Variants in MGST1 observed in about 807,000 individuals in gnomAD.
MGST1 encodes the protein glutathione S-transferase 12.
In MGST1, 5 loss-of-function variants were observed where a neutral mutation model predicts 8.9. That is an observed-to-expected ratio of 0.56 (90% CI 0.29 to 1.19). The LOEUF (loss-of-function observed/expected upper bound fraction) is 1.19, where lower values mean the gene tolerates loss of function less well. Ranked by LOEUF, MGST1 falls within the 50% of genes most tolerant of loss-of-function variation. MGST1 has a pLI of 0.08. For missense variants in MGST1, 182 were observed against 187.4 expected, an observed-to-expected ratio of 0.97 and a Z score of 0.17; for synonymous variants, 54 against 67.8, an observed-to-expected ratio of 0.80 and a Z score of 1.00.
In MGST1 at chr12:16,458,229, A is replaced by C. The variant is rs565565551; in HGVS notation, n.482+74625A>C. ...TTGTTCATCACCTGCCTCCAAAATA[A>C]TATGAATGGACCCAAACTAAATGAC... is the stretch of plus-strand genomic sequence containing the variant. On this transcript the variant is annotated intron_variant and non_coding_transcript_variant, in intron 4 of 4. Coordinates refer to the MGST1 transcript ENST00000538857. This position sits in a 1 kb window ranked among gnomAD's most constrained non-coding sequence, Gnocchi z 4.0. Among the ~76,000 whole-genome samples the C allele has an allele frequency of 1.3e-5, 2 of 152,170 alleles. No homozygotes were observed. The highest frequency in any genetic ancestry group is 4.1e-4 in the South Asian group (2 of 4,824).
Position 16,450,884 on chromosome 12 carries a change from C to T in MGST1, n.482+67280C>T, listed in dbSNP as rs966627920. ...TGTGTGTGTGTGTGTGTGTCACACA[C>T]GGAAACTGAGACATAAAGGACCAAA... On this transcript the variant is annotated intron_variant and non_coding_transcript_variant, in intron 4 of 4. Coordinates refer to the MGST1 transcript ENST00000538857. Among the ~76,000 whole-genome samples, 113 of 150,716 alleles carry T rather than the reference C, an allele frequency of 7.5e-4. 1 individual carries two copies. Among genetic ancestry groups the T allele is most frequent in the African/African-American group, 2.4e-3 (98 of 40,990 alleles).
In MGST1 at chr12:16,458,025, C is replaced by T. The variant is rs1480523914; in HGVS notation, n.482+74421C>T. ...CTAGGAAAGCTTTTGCTTGCCCTAG[C>T]AATATTATAACTGCTAATTCAATTA... is the stretch of plus-strand genomic sequence containing the variant. On this transcript the variant is annotated intron_variant and non_coding_transcript_variant, in intron 4 of 4. Coordinates refer to the MGST1 transcript ENST00000538857. The surrounding 1 kb of genome is among the most constrained non-coding windows in gnomAD (Gnocchi z 4.0). Among the ~76,000 whole-genome samples, 1 of 151,930 alleles carries T rather than the reference C, an allele frequency of 6.6e-6. No homozygotes were observed. The highest frequency in any genetic ancestry group is 1.9e-4 in the East Asian group (1 of 5,168).
intron 4 of MGST1, among the ~76,000 whole-genome samples, chr12:16,583,329 A>G (rs138682548): frequency 6.6e-6 from 1 of 152,276 alleles, no homozygotes; most frequent in East Asian, 1.9e-4. Flanking sequence ...AAAAAATTAG[A>G]CAATAGGGGA....
intron 4 of MGST1, among the ~76,000 whole-genome samples, chr12:16,472,680 A>G (rs1941296497): frequency 6.6e-6 from 1 of 152,232 alleles, no homozygotes; most frequent in Admixed American, 6.5e-5. Flanking sequence ...ATATTGAGCA[A>G]TAATACAATC....
At chr12:16,529,741 T>C (rs1298201781) in intron 4 of MGST1, among the ~76,000 whole-genome samples, 1 of 152,126 alleles carries the variant, frequency 6.6e-6, no homozygotes, top group African/African-American at 2.4e-5. Flanking sequence ...CTTGTGTTAT[T>C]TGTTAGAACA....
intron 1 of MGST1, among the ~76,000 whole-genome samples, chr12:16,392,734 G>A (rs953439336): frequency 4.6e-5 from 7 of 152,082 alleles, no homozygotes; most frequent in Non-Finnish European, 7.4e-5. Flanking sequence ...ATCTCTGTAT[G>A]TCTCTATATC....
rs1941844316 is a variant in MGST1, at chr12:16,547,796, T to C, written n.483-41732T>C. ...TGCTAATGGCCTATTACAATAAACATGCAGATTGTTTTTGCAACTTACTGA... is the reference window on the plus strand; with the variant it reads ...TGCTAATGGCCTATTACAATAAACACGCAGATTGTTTTTGCAACTTACTGA... On this transcript the variant is annotated intron_variant and non_coding_transcript_variant, in intron 4 of 4. Coordinates refer to the MGST1 transcript ENST00000538857. This position sits in a 1 kb window ranked among gnomAD's most constrained non-coding sequence, Gnocchi z 4.6. Among the ~76,000 whole-genome samples, 1 of 152,192 alleles carries C rather than the reference T, an allele frequency of 6.6e-6. No individual in the cohort carries two copies. The highest frequency in any genetic ancestry group is 1.5e-5 in the Non-Finnish European group (1 of 68,018).
In MGST1 at chr12:16,497,077, T is replaced by G. The variant is rs1941475252; in HGVS notation, n.483-92451T>G. 6.6e-6 allele frequency among the ~76,000 whole-genome samples: 1 copy of G among 152,208 alleles called. No individual in the cohort carries two copies. Among genetic ancestry groups the G allele is most frequent in the Non-Finnish European group, 1.5e-5 (1 of 67,984 alleles). ...TATCTAAGAATAAGCTTTGTCTTCT[T>G]AGAAGAGAAAGAAATATTTAATCCT... is the stretch of plus-strand genomic sequence containing the variant. On this transcript the variant is annotated intron_variant and non_coding_transcript_variant, in intron 4 of 4. Coordinates refer to the MGST1 transcript ENST00000538857. This position sits in a 1 kb window ranked among gnomAD's most constrained non-coding sequence, Gnocchi z 4.4.
At chr12:16,470,669 T>A (rs1386948343) in intron 4 of MGST1, among the ~76,000 whole-genome samples, 2 of 152,204 alleles carry the variant, frequency 1.3e-5, no homozygotes. Flanking sequence ...TTTGAAGAGC[T>A]AATTGAATCA....
At chr12:16,356,213 A>G (rs1267231650) in intron 2 of MGST1, among the ~76,000 whole-genome samples, 1 of 152,204 alleles carries the variant, frequency 6.6e-6, no homozygotes, top group African/African-American at 2.4e-5. Flanking sequence ...CCTTAGCAAT[A>G]GCTTATCCAA....
chr12:16,390,024 G>A (rs937914787), intron 1 of MGST1, among the ~76,000 whole-genome samples: 3 of 152,182 alleles, frequency 2.0e-5, no homozygotes, highest in African/African-American at 2.4e-5. Context: ...ATTTTGATAT[G>A]TTCACATTTA....
Position 16,364,012 on chromosome 12 carries a change from A to T in MGST1, c.439A>T (p.Arg147Trp), listed in dbSNP as rs753027504. 10 of 1,611,506 alleles carry T rather than the reference A, an allele frequency of 6.2e-6. No homozygotes were observed. Among genetic ancestry groups the T allele is most frequent in the Non-Finnish European group, 8.5e-6 (10 of 1,178,510 alleles). ...GYGVTLSMAY[R>W]LLKSKLYL ...TGGAGTTACTCTTTCCATGGCTTACAGGTTGCTGAAAAGTAAATTGTACCT... is the reference window on the plus strand; with the variant it reads ...TGGAGTTACTCTTTCCATGGCTTACTGGTTGCTGAAAAGTAAATTGTACCT... Residue 147 changes from arginine (R) to tryptophan (W), a missense_variant, in exon 4 of 4, where the codon AGG becomes TGG. Transcript: ENST00000396210. The surrounding 1 kb of genome is among the most constrained non-coding windows in gnomAD (Gnocchi z 5.7).
intron 3 of MGST1, among the ~76,000 whole-genome samples, chr12:16,371,448 C>T (rs776321535): frequency 2.6e-5 from 4 of 151,976 alleles, no homozygotes; most frequent in Non-Finnish European, 5.9e-5. Flanking sequence ...GATGGTGAAA[C>T]GACTGAACTC....
intron 1 of MGST1, among the ~76,000 whole-genome samples, chr12:16,417,043 C>T (rs1940792961): frequency 6.6e-6 from 1 of 152,078 alleles, no homozygotes; most frequent in Admixed American, 6.6e-5. Context: ...ATTTATTCAA[C>T]AAACTTTTTT....
chr12:16,430,600 T>C (rs763231011), intron 1 of MGST1, among the ~76,000 whole-genome samples: 2 of 120,270 alleles, frequency 1.7e-5, no homozygotes, highest in Admixed American at 9.8e-5. Context: ...TGAGTGGTAA[T>C]ATTTTGAAAG....
rs528407944 is a variant in MGST1, at chr12:16,355,974, C to G, written c.126+1596C>G. 1.1e-4 allele frequency among the ~76,000 whole-genome samples: 16 copies of G among 152,246 alleles called. 1 individual carries two copies. In the South Asian group the frequency reaches 2.9e-3, roughly 28 times the overall value. On this transcript the variant is annotated intron_variant, in intron 2 of 3. Transcript: ENST00000396210. ...TGTTCAGTGAGGGCCCAGTTCCTGACTTGCAGATGGCCATCTTCTCATTGT... is the reference window on the plus strand; with the variant it reads ...TGTTCAGTGAGGGCCCAGTTCCTGAGTTGCAGATGGCCATCTTCTCATTGT...
exon 4 of MGST1, chr12:16,376,273 A>C: frequency 3.7e-6 from 2 of 534,276 alleles, no homozygotes; most frequent in Non-Finnish European, 6.6e-6. Context: ...CTAATGAGTT[A>C]ATGGATTCAA....
intron 1 of MGST1, chr12:16,400,927 T>A: frequency 7.7e-7 from 1 of 1,292,364 alleles, no homozygotes; most frequent in Non-Finnish European, 1.1e-6. Flanking sequence ...GAATCTCCTG[T>A]TCTCCCTTTT....
At chr12:16,486,663 C>G (rs950248839) in intron 4 of MGST1, among the ~76,000 whole-genome samples, 2 of 152,142 alleles carry the variant, frequency 1.3e-5, no homozygotes, top group Non-Finnish European at 2.9e-5. Flanking sequence ...TCCTGGAAAA[C>G]GAGTTGGGCT....
Sources: allele counts gnomAD v4.1 joint callset (sites outside exome capture counted in the v4.1 genomes callset), GRCh38; gene constraint gnomAD v4.1.1; non-coding constraint Gnocchi (gnomAD v3.1); transcripts MANE v1.5; gene names NCBI Gene and HGNC (gene_info 2026-07-23, HGNC 2026-07-21).